Variants in CLUL1 observed in about 807,000 individuals in gnomAD.
CLUL1 encodes the protein clusterin-like protein 1.
A neutral mutation model predicts 49.4 loss-of-function variants in CLUL1; 43 were observed. That is an observed-to-expected ratio of 0.87 (90% CI 0.68 to 1.12). The LOEUF (loss-of-function observed/expected upper bound fraction) is 1.12. CLUL1 is among the 50% of genes most tolerant of loss of function. The pLI is 0.00. For synonymous variants in CLUL1, 192 were observed against 184.9 expected, an observed-to-expected ratio of 1.04 and a Z score of -0.31; for missense variants, 486 against 544.4, an observed-to-expected ratio of 0.89 and a Z score of 1.07.
intron 9 of CLUL1, among the ~76,000 whole-genome samples, chr18:647,044 C>T (rs186191209): frequency 1.3e-5 from 2 of 152,232 alleles, no homozygotes; most frequent in East Asian, 3.9e-4. Flanking sequence ...AGCCACCACA[C>T]TGGCCTCCTC....
At position 636,627 on chromosome 18, in the gene CLUL1, T is replaced by C. The variant is rs1414799203; in HGVS notation, c.994+3192T>C. ...GTCGACAACACTCCCTTTCTCTCTT[T>C]TTTTTTTTTTTTTTTTGTGCCAGAG... On this transcript the variant is annotated intron_variant, in intron 7 of 9. Coordinates refer to ENST00000692774, the MANE Select transcript of CLUL1 (RefSeq NM_001393344.1). 8.8e-5 allele frequency among the ~76,000 whole-genome samples: 13 copies of C among 147,508 alleles called. No homozygotes were observed. The East Asian group carries it at 2.0e-3, about 22-fold the overall frequency.
chr18:638,220 T>C (rs1040194891), intron 7 of CLUL1, among the ~76,000 whole-genome samples: 1 of 152,192 alleles, frequency 6.6e-6, no homozygotes. Context: ...TAGGTTTTTA[T>C]AACAGAAAAA....
intron 9 of CLUL1, among the ~76,000 whole-genome samples, chr18:645,627 C>G (rs2074451648): frequency 6.7e-6 from 1 of 150,056 alleles, no homozygotes. Flanking sequence ...AACTGCGTCT[C>G]TACTAAAATA....
chr18:648,779 C>T (rs556766600), intron 9 of CLUL1, among the ~76,000 whole-genome samples: 1 of 152,254 alleles, frequency 6.6e-6, no homozygotes, highest in South Asian at 2.1e-4. Flanking sequence ...GCCTCAGCCT[C>T]CCAAGTAGCT....
chr18:635,274 T>C (rs943454779), intron 7 of CLUL1, among the ~76,000 whole-genome samples: 3 of 152,150 alleles, frequency 2.0e-5, no homozygotes, highest in Admixed American at 1.3e-4. Context: ...TCAGGCATTA[T>C]TCTCCTAAGG....
At chr18:648,155 G>A (rs369575887) in intron 9 of CLUL1, among the ~76,000 whole-genome samples, 10 of 152,326 alleles carry the variant, frequency 6.6e-5, no homozygotes, top group South Asian at 2.1e-4. Context: ...GGTGAGACAC[G>A]ATAGGTTTTA....
chr18:618,015 C>T lies in CLUL1; in HGVS notation c.15C>T (p.Leu5=). ...ACAGCGGGAACATGAAGCCGCCACT[C>T]TTGGTGTTTATTGTGTGTCTGCTGT... MKPP[L]LVFIVCLLWL... Residue 5 remains leucine, a synonymous_variant, in exon 3 of 10, where the codon CTC becomes CTT. Transcript: ENST00000692774. The surrounding 1 kb of genome is among the most constrained non-coding windows in gnomAD (Gnocchi z 4.2). 6.2e-7 allele frequency: 1 copy of T among 1,614,106 alleles called. No homozygotes were observed. Among genetic ancestry groups the T allele is most frequent in the Non-Finnish European group, 8.5e-7 (1 of 1,179,998 alleles).
chr18:612,981 C>A, intron 2 of CLUL1: 2 of 265,514 alleles, frequency 7.5e-6, no homozygotes, highest in Non-Finnish European at 1.4e-5. Flanking sequence ...TTGTGTAGTG[C>A]TGATCTAAAC....
At position 638,970 on chromosome 18, in the gene CLUL1, GA is replaced by G. The variant is rs2074243900; in HGVS notation, c.995-2354del. On this transcript the variant is annotated intron_variant, in intron 7 of 9. Transcript: ENST00000692774. Reference sequence around the variant, plus strand: ...CACATTCACTTTATCTCCTCAAAAGGAAAGTGCTATTTTGAATTTAGTATTA... The same window carrying G: ...CACATTCACTTTATCTCCTCAAAAGGAAGTGCTATTTTGAATTTAGTATTA... 2.0e-5 allele frequency among the ~76,000 whole-genome samples: 3 copies of G among 152,172 alleles called. No homozygotes were observed. In the South Asian group the frequency reaches 6.2e-4, roughly 32 times the overall value.
chr18:633,185 A>G, intron 6 of CLUL1, 113 bp from the exon 7 acceptor site: 1 of 789,234 alleles, frequency 1.3e-6, no homozygotes, highest in African/African-American at 1.7e-5. Context: ...ACATACATAC[A>G]TATAGGAAAA....
rs193278292 is a variant in CLUL1, at chr18:641,551, A to G, written c.1209+10A>G. ...CTTTAATTCAATACAGGTAAAGGAG[A>G]GACCCAAGAGCAGATACGGAAATGA... On this transcript the variant is annotated intron_variant, in intron 8 of 9. Coordinates refer to ENST00000692774, the MANE Select transcript of CLUL1 (RefSeq NM_001393344.1). The G allele has an allele frequency of 8.7e-5, 140 of 1,609,386 alleles. 1 individual carries two copies. In the East Asian group the frequency reaches 2.8e-3, roughly 32 times the overall value.
At chr18:639,664 C>T (rs1041253933) in intron 7 of CLUL1, among the ~76,000 whole-genome samples, 2 of 151,844 alleles carry the variant, frequency 1.3e-5, no homozygotes, top group African/African-American at 4.8e-5. Context: ...ACTCGGGAGG[C>T]TGAGGCACAA....
At chr18:613,191 T>C (rs749162401) in intron 2 of CLUL1, 1 of 475,034 alleles carries the variant, frequency 2.1e-6, no homozygotes, top group South Asian at 4.1e-5. Context: ...CAGACTGGAG[T>C]GCACTGCTGC....
At chr18:614,351 A>AAG (rs1567958863) in intron 2 of CLUL1, among the ~76,000 whole-genome samples, 1 of 57,080 alleles carries the variant, frequency 1.8e-5, no homozygotes, top group African/African-American at 3.7e-5. Flanking sequence ...AAGGAAGGAA[A>AAG]GAAGGAAGGA....
intron 9 of CLUL1, among the ~76,000 whole-genome samples, chr18:648,722 T>C (rs1301201807): frequency 6.6e-6 from 1 of 152,230 alleles, no homozygotes; most frequent in East Asian, 1.9e-4. Context: ...AGTGGCATGA[T>C]CTCGGCTCAC....
intron 2 of CLUL1, chr18:613,200 G>A: frequency 2.1e-6 from 1 of 474,538 alleles, no homozygotes; most frequent in Non-Finnish European, 3.7e-6. Flanking sequence ...GTGCACTGCT[G>A]CAATCTCAGC....
chr18:627,474 T>C lies in CLUL1; in HGVS notation c.801T>C (p.Ser267=). The C allele has an allele frequency of 6.2e-7, 1 of 1,613,526 alleles. No homozygotes were observed. The highest frequency in any genetic ancestry group is 8.5e-7 in the Non-Finnish European group (1 of 1,179,518). ...NFSVSIYESV[S]ETITKMLKAI... Reference sequence around the variant, plus strand: ...GTGTCTCTATTTATGAAAGTGTCAGTGAAACAATTACTAAGATGCTGAAGG... The same window carrying C: ...GTGTCTCTATTTATGAAAGTGTCAGCGAAACAATTACTAAGATGCTGAAGG... The change falls in exon 6 of 10, where the codon AGT becomes AGC. Residue 267 remains serine (S), a synonymous_variant. Coordinates refer to ENST00000692774, the MANE Select transcript of CLUL1 (RefSeq NM_001393344.1).
chr18:646,106 T>C (rs1233444720), intron 9 of CLUL1, among the ~76,000 whole-genome samples: 1 of 151,732 alleles, frequency 6.6e-6, no homozygotes, highest in Non-Finnish European at 1.5e-5. Context: ...TAGAGCAGCA[T>C]GTGGAGCCAG....
chr18:621,973 T>C (rs1332088757), intron 4 of CLUL1, among the ~76,000 whole-genome samples: 2 of 152,166 alleles, frequency 1.3e-5, no homozygotes, highest in Non-Finnish European at 2.9e-5. Context: ...AAAATCTTAT[T>C]GTACAAAAAT....
Sources: allele counts gnomAD v4.1 joint callset (sites outside exome capture counted in the v4.1 genomes callset), GRCh38; gene constraint gnomAD v4.1.1; non-coding constraint Gnocchi (gnomAD v3.1); transcripts MANE v1.5; gene names NCBI Gene and HGNC (gene_info 2026-07-23, HGNC 2026-07-21).